Variants in HDAC9 observed in about 807,000 individuals in gnomAD.
HDAC9 encodes MEF-2 interacting transcription repressor (MITR) protein.
Under a neutral mutation model 139.4 loss-of-function variants are expected in HDAC9, and 41 were observed. That is an observed-to-expected ratio of 0.29 (90% CI 0.23 to 0.38). The LOEUF is 0.38. HDAC9 is among the 10% of genes least tolerant of loss of function. The pLI is 1.00. For synonymous variants in HDAC9, 517 were observed against 476.2 expected, an observed-to-expected ratio of 1.09 and a Z score of -1.12; for missense variants, 1,147 against 1,297.0, an observed-to-expected ratio of 0.88 and a Z score of 1.78.
chr7:18,932,864 G>GAAAGAAAGAAAGAAAGAAAGAAAA (rs369930715), intron 22 of HDAC9, among the ~76,000 whole-genome samples: 1 of 150,316 alleles, frequency 6.7e-6, no homozygotes, highest in East Asian at 1.9e-4. Context: ...AAGAAAGAAA[G>GAAAGAAAGAAAGAAAGAAAGAAAA]AAAGAAAGAA....
At chr7:18,202,751 T>C (rs1222972030) in intron 2 of HDAC9, among the ~76,000 whole-genome samples, 2 of 152,188 alleles carry the variant, frequency 1.3e-5, no homozygotes, top group South Asian at 4.1e-4. Context: ...TTCATGGGCA[T>C]GTCAAGTATC....
At chr7:18,854,858 T>C (rs1042575755) in intron 21 of HDAC9, among the ~76,000 whole-genome samples, 1 of 152,174 alleles carries the variant, frequency 6.6e-6, no homozygotes, top group African/African-American at 2.4e-5. Context: ...ATTGACGTTA[T>C]AGCATTAATG....
At chr7:18,309,714 C>T (rs1283525088) in intron 1 of HDAC9, among the ~76,000 whole-genome samples, 1 of 152,038 alleles carries the variant, frequency 6.6e-6, no homozygotes. Flanking sequence ...AGCATGTTAT[C>T]AGAGCCTTCT....
chr7:18,941,968 G>A (rs553072544), intron 23 of HDAC9, among the ~76,000 whole-genome samples: 2 of 152,092 alleles, frequency 1.3e-5, no homozygotes, highest in Non-Finnish European at 2.9e-5. Flanking sequence ...ATAGTCTTTA[G>A]GTTTTTCAGA....
At chr7:18,387,056 G>C (rs984934422) in intron 1 of HDAC9, among the ~76,000 whole-genome samples, 19 of 152,310 alleles carry the variant, frequency 1.2e-4, no homozygotes, top group African/African-American at 3.4e-4. Context: ...TCTGCTGATA[G>C]ATAAGGAATA....
intron 2 of HDAC9, among the ~76,000 whole-genome samples, chr7:18,265,367 C>T (rs1795929159): frequency 6.6e-6 from 1 of 152,112 alleles, no homozygotes; most frequent in Non-Finnish European, 1.5e-5. Context: ...TGCTGTTTAC[C>T]TTCACGGAAT....
chr7:18,574,884 A>G (rs1825526426), intron 2 of HDAC9, among the ~76,000 whole-genome samples: 1 of 152,256 alleles, frequency 6.6e-6, no homozygotes, highest in African/African-American at 2.4e-5. Flanking sequence ...AGGACCTACC[A>G]GGTCCCCGAC....
At chr7:18,205,728 A>T (rs895626011) in intron 2 of HDAC9, among the ~76,000 whole-genome samples, 3 of 152,118 alleles carry the variant, frequency 2.0e-5, no homozygotes, top group Non-Finnish European at 4.4e-5. Context: ...TTTCTAATTA[A>T]ATTCTGTAGT....
At chr7:18,491,340 C>T (rs985507071), upstream of HDAC9, among the ~76,000 whole-genome samples, 6 of 151,776 alleles carry the variant, frequency 4.0e-5, no homozygotes, top group African/African-American at 1.5e-4. Flanking sequence ...CTCAGGTATA[C>T]TAGCAACAGT....
At chr7:18,743,061 A>G (rs1421482666) in intron 13 of HDAC9, among the ~76,000 whole-genome samples, 3 of 152,190 alleles carry the variant, frequency 2.0e-5, no homozygotes, top group Non-Finnish European at 2.9e-5. Flanking sequence ...TATCCGTAGT[A>G]TATTCTCAAC....
chr7:18,284,605 G>A (rs903714392), intron 2 of HDAC9, among the ~76,000 whole-genome samples: 3 of 152,080 alleles, frequency 2.0e-5, no homozygotes, highest in Non-Finnish European at 2.9e-5. Flanking sequence ...AATGAATTCT[G>A]GTTCTTGATT....
At chr7:18,204,066 A>G (rs1791322940) in intron 2 of HDAC9, among the ~76,000 whole-genome samples, 1 of 152,212 alleles carries the variant, frequency 6.6e-6, no homozygotes, top group African/African-American at 2.4e-5. Flanking sequence ...TTAGATATCA[A>G]TGGGCTACTA....
At chr7:18,384,981 T>C (rs1785782483) in intron 1 of HDAC9, among the ~76,000 whole-genome samples, 1 of 152,152 alleles carries the variant, frequency 6.6e-6, no homozygotes. Context: ...AGTGAGACCT[T>C]TCTGTTTCTA....
chr7:18,441,544 C>T (rs1040361168), intron 1 of HDAC9, among the ~76,000 whole-genome samples: 1 of 152,142 alleles, frequency 6.6e-6, no homozygotes, highest in Admixed American at 6.5e-5. Context: ...AGTGATTTAT[C>T]TCAGCTCTTA....
At chr7:18,466,754 C>CGAAGTAA (rs1030476909) in intron 1 of HDAC9, among the ~76,000 whole-genome samples, 1 of 152,130 alleles carries the variant, frequency 6.6e-6, no homozygotes, top group African/African-American at 2.4e-5. Context: ...ACACATTCAA[C>CGAAGTAA]GAAGTAAGAC....
At chr7:18,578,590 C>CATTTTTTGGGGACATTTATCAGGCAAAGA (rs1826771870) in intron 2 of HDAC9, among the ~76,000 whole-genome samples, 1 of 152,116 alleles carries the variant, frequency 6.6e-6, no homozygotes, top group South Asian at 2.1e-4. Context: ...TATGGAAGAT[C>CATTTTTTGGGGACATTTATCAGGCAAAGA]ACATCTGGCT....
chr7:18,759,996 C>T (rs752458742), intron 14 of HDAC9, among the ~76,000 whole-genome samples: 2 of 152,072 alleles, frequency 1.3e-5, no homozygotes, highest in Non-Finnish European at 2.9e-5. Context: ...AGGAAAAAAT[C>T]AATGAAAGTT....
In HDAC9 at chr7:18,455,458, G is replaced by T. The variant is rs1485174265; in HGVS notation, c.-41-40804G>T. Reference sequence around the variant, plus strand: ...ACAGCATTTAAATGAAATGGAAAAAGAATTTTGTTACTGGTATTTATCTTT... The same window carrying T: ...ACAGCATTTAAATGAAATGGAAAAATAATTTTGTTACTGGTATTTATCTTT... On this transcript the variant is annotated intron_variant, in intron 1 of 3. Transcript: ENST00000413509. 2.6e-5 allele frequency among the ~76,000 whole-genome samples: 4 copies of T among 152,252 alleles called. No individual in the cohort carries two copies. The South Asian group carries it at 6.2e-4, about 24-fold the overall frequency.
intron 1 of HDAC9, among the ~76,000 whole-genome samples, chr7:18,389,327 C>T (rs1017927606): frequency 3.9e-5 from 6 of 152,168 alleles, no homozygotes; most frequent in Admixed American, 1.3e-4. Flanking sequence ...TTCTCATTCA[C>T]GTAAGAGTCC....
Sources: allele counts gnomAD v4.1 joint callset (sites outside exome capture counted in the v4.1 genomes callset), GRCh38; gene constraint gnomAD v4.1.1; transcripts MANE v1.5; gene names NCBI Gene and HGNC (gene_info 2026-07-23, HGNC 2026-07-21).